The following EHMT1 variants were observed in gnomAD, a reference collection of about 807,000 sequenced individuals.
EHMT1 encodes euchromatic histone lysine methyltransferase 1, also known as histone-lysine N-methyltransferase EHMT1.
Under a neutral mutation model 147.2 loss-of-function variants are expected in EHMT1, and 15 were observed. That is an observed-to-expected ratio of 0.10 (90% CI 0.07 to 0.16). The LOEUF (loss-of-function observed/expected upper bound fraction) is 0.16. Ranked by LOEUF, EHMT1 falls within the 10% of genes least tolerant of loss-of-function variation. The pLI, the probability that EHMT1 is intolerant of heterozygous loss-of-function variation, is 1.00. For synonymous variants in EHMT1, 795 were observed against 709.6 expected, an observed-to-expected ratio of 1.12 and a Z score of -1.91; for missense variants, 1,587 against 1,772.4, an observed-to-expected ratio of 0.90 and a Z score of 1.88.
At chr9:137,698,656 G>A (rs1943589262) in intron 1 of EHMT1, among the ~76,000 whole-genome samples, 1 of 152,052 alleles carries the variant, frequency 6.6e-6, no homozygotes, top group Non-Finnish European at 1.5e-5. Context: ...GGTCAGGCAG[G>A]GCCTAGGTTT....
At chr9:137,628,692 T>C (rs1355926338) in intron 1 of EHMT1, among the ~76,000 whole-genome samples, 3 of 152,224 alleles carry the variant, frequency 2.0e-5, no homozygotes, top group African/African-American at 4.8e-5. Flanking sequence ...AGTTGTTGGT[T>C]GTGGTCGGAA....
intron 1 of EHMT1, among the ~76,000 whole-genome samples, chr9:137,692,652 C>T (rs1325570498): frequency 1.3e-5 from 2 of 152,066 alleles, no homozygotes; most frequent in African/African-American, 2.4e-5. Context: ...CTCTTTTAGA[C>T]GTTGATATCT....
intron 1 of EHMT1, among the ~76,000 whole-genome samples, chr9:137,695,614 C>A (rs1470562750): frequency 6.6e-6 from 1 of 152,236 alleles, no homozygotes; most frequent in Non-Finnish European, 1.5e-5. Context: ...TGGGCTGCGT[C>A]CTTCCACATC....
At chr9:137,722,769 G>T (rs1209618715) in intron 3 of EHMT1, among the ~76,000 whole-genome samples, 1 of 152,170 alleles carries the variant, frequency 6.6e-6, no homozygotes, top group Admixed American at 6.5e-5. Flanking sequence ...TGCACCCGGA[G>T]TGTGCTCTGT....
intron 1 of EHMT1, among the ~76,000 whole-genome samples, chr9:137,624,316 T>TC (rs1190424166): frequency 6.6e-6 from 1 of 151,190 alleles, no homozygotes; most frequent in Non-Finnish European, 1.5e-5. Flanking sequence ...TCTTTTTTTT[T>TC]TTTTTTTTTG....
At chr9:137,792,122 A>C in intron 16 of EHMT1, 1 of 470,374 alleles carries the variant, frequency 2.1e-6, no homozygotes, top group Non-Finnish European at 4.4e-6. Context: ...ATTTTGTGAA[A>C]GAACAGAGTT....
Position 137,782,373 on chromosome 9 carries a change from G to C in EHMT1, c.2358G>C (p.Val786=). ...ACGCCGCGGCAGAGGCTGGACACGT[G>C]GACATCTGCCACATGCTGGTTCAGG... ...PLHAAAEAGH[V]DICHMLVQAG... Residue 786 remains valine, a synonymous_variant, in exon 15 of 27, where the codon GTG becomes GTC. Coordinates refer to ENST00000460843, the MANE Select transcript of EHMT1 (RefSeq NM_024757.5). The surrounding 1 kb of genome is among the most constrained non-coding windows in gnomAD (Gnocchi z 5.7). 6.2e-7 allele frequency: 1 copy of C among 1,611,522 alleles called. No individual in the cohort carries two copies. The highest frequency in any genetic ancestry group is 8.5e-7 in the Non-Finnish European group (1 of 1,179,718).
At chr9:137,717,429 T>A (rs549586897) in intron 3 of EHMT1, among the ~76,000 whole-genome samples, 1 of 151,702 alleles carries the variant, frequency 6.6e-6, no homozygotes, top group East Asian at 1.9e-4. Flanking sequence ...GTGGCGAAAC[T>A]CAAATGCAAA....
At position 137,787,845 on chromosome 9, in the gene EHMT1, G is replaced by A. The variant is rs768188772; in HGVS notation, c.2383-3003G>A. 11 of 1,044,584 alleles carry A rather than the reference G, an allele frequency of 1.1e-5. No individual in the cohort carries two copies. Among genetic ancestry groups the A allele is most frequent in the Non-Finnish European group, 1.7e-5 (11 of 664,268 alleles). 64.7% of individuals were successfully genotyped at this position (1,044,584 alleles called of 1,614,324 possible). ...CCCCCAGTAGGCAGAGCTGGTTGAC[G>A]GTGGACATTGGGGATAGGAGGTGGG... is the stretch of plus-strand genomic sequence containing the variant. On this transcript the variant is annotated intron_variant, in intron 15 of 26. Transcript: ENST00000460843. This position sits in a 1 kb window ranked among gnomAD's most constrained non-coding sequence, Gnocchi z 4.2.
intron 18 of EHMT1, among the ~76,000 whole-genome samples, chr9:137,806,623 A>G (rs1057108329): frequency 1.3e-5 from 2 of 151,146 alleles, no homozygotes; most frequent in African/African-American, 2.4e-5. Context: ...TTTAGTAGAG[A>G]TGGGTTTCAC....
intron 1 of EHMT1, among the ~76,000 whole-genome samples, chr9:137,625,711 A>G (rs964845010): frequency 6.6e-5 from 10 of 151,678 alleles, no homozygotes; most frequent in African/African-American, 1.7e-4. Context: ...GACTTCCTGT[A>G]TTTAGTTTTC....
At chr9:137,627,323 C>T (rs187816475) in intron 1 of EHMT1, among the ~76,000 whole-genome samples, 2 of 144,768 alleles carry the variant, frequency 1.4e-5, no homozygotes, top group Admixed American at 7.2e-5. Context: ...AGTGCAATGG[C>T]GTGATCTTGG....
At chr9:137,623,451 G>A (rs986544564) in intron 1 of EHMT1, among the ~76,000 whole-genome samples, 1 of 151,330 alleles carries the variant, frequency 6.6e-6, no homozygotes, top group African/African-American at 2.4e-5. Flanking sequence ...GGTCCGCTCC[G>A]TCGCCCAGGC....
rs144487817 is a variant in EHMT1, at chr9:137,823,352, C to T, written c.3540+5214C>T. On this transcript the variant is annotated intron_variant, in intron 25 of 26. Transcript: ENST00000460843. ...TGACCTTGTGATCTGCCCATCTCGGCCTCCCAAAGTGCTGGGATTACAGGC... is the reference window on the plus strand; with the variant it reads ...TGACCTTGTGATCTGCCCATCTCGGTCTCCCAAAGTGCTGGGATTACAGGC... The T allele has an allele frequency of 5.1e-3, 1,580 of 312,544 alleles. 23 individuals carry two copies. Among genetic ancestry groups the T allele is most frequent in the African/African-American group, 0.035 (1,478 of 42,300 alleles). The allele number at this position is 312,544 out of a possible 1,614,324, so 19.4% of individuals were successfully genotyped here.
In EHMT1 at chr9:137,633,125, C is replaced by T. The variant is rs538698493; in HGVS notation, c.21+14076C>T. Among the ~76,000 whole-genome samples the T allele has an allele frequency of 1.5e-4, 23 of 152,158 alleles. No homozygotes were observed. In the East Asian group the frequency reaches 3.7e-3, roughly 24 times the overall value. On this transcript the variant is annotated intron_variant, in intron 1 of 26. Coordinates refer to ENST00000460843, the MANE Select transcript of EHMT1 (RefSeq NM_024757.5). ...CCAAATGCTGGGTTCTCTGCTTGAA[C>T]GGAAGGGTGGGTGGCCGTGCCATTC...
At chr9:137,826,709 T>C (rs945890110) in intron 25 of EHMT1, among the ~76,000 whole-genome samples, 1 of 152,182 alleles carries the variant, frequency 6.6e-6, no homozygotes, top group Non-Finnish European at 1.5e-5. Flanking sequence ...GGGAGAGCTT[T>C]GCTGGGGCTT....
chr9:137,831,254 C>T (rs112535194), intron 25 of EHMT1, among the ~76,000 whole-genome samples: 1 of 152,152 alleles, frequency 6.6e-6, no homozygotes, highest in Non-Finnish European at 1.5e-5. Flanking sequence ...AAAAAATACT[C>T]AAGTAGATTT....
At chr9:137,674,080 G>A (rs980785609) in intron 1 of EHMT1, among the ~76,000 whole-genome samples, 7 of 152,198 alleles carry the variant, frequency 4.6e-5, no homozygotes, top group African/African-American at 1.7e-4. Flanking sequence ...GTGGAGAGAG[G>A]CAGTGGGGCG....
intron 1 of EHMT1, among the ~76,000 whole-genome samples, chr9:137,678,718 C>T (rs528099949): frequency 6.7e-6 from 1 of 149,896 alleles, no homozygotes; most frequent in East Asian, 2.0e-4. Context: ...GTCCCCCCCC[C>T]CGCTCCCCCC....
Sources: gnomAD v4.1 joint callset for allele counts (sites outside exome capture counted in the v4.1 genomes callset) on GRCh38, gnomAD v4.1.1 for gene constraint, Gnocchi (gnomAD v3.1) non-coding constraint, MANE v1.5 for transcripts, NCBI Gene and HGNC (gene_info 2026-07-23, HGNC 2026-07-21) for gene names.